The following DIS3L2 variants were observed in gnomAD, a reference collection of about 807,000 sequenced individuals.
The protein encoded by DIS3L2 is DIS3-like exonuclease 2.
In DIS3L2, 34 loss-of-function variants were observed where a neutral mutation model predicts 97.5. The ratio of observed to expected loss-of-function variants is 0.35; its 90% CI spans 0.27 to 0.46. The LOEUF (loss-of-function observed/expected upper bound fraction) is 0.46, where lower values mean the gene tolerates loss of function less well. Ranked by LOEUF, DIS3L2 falls within the 20% of genes least tolerant of loss-of-function variation. The pLI is 1.00. For missense variants in DIS3L2, 1,038 were observed against 1,146.0 expected (o/e 0.91, Z 1.36); for synonymous variants, 435 against 445.2 (o/e 0.98, Z 0.29).
Position 232,036,302 on chromosome 2 carries a change from G to A in DIS3L2, c.366+6222G>A, listed in dbSNP as rs528362255. On this transcript the variant is annotated intron_variant, in intron 5 of 20. Transcript: ENST00000325385. ...GTCCCTGATATCCTTTCTTCTACTCGATCAATTCATCTACTGATACTTGTA... is the reference window on the plus strand; with the variant it reads ...GTCCCTGATATCCTTTCTTCTACTCAATCAATTCATCTACTGATACTTGTA... 4.3e-4 allele frequency among the ~76,000 whole-genome samples: 65 copies of A among 151,962 alleles called. 1 individual carries two copies. The highest frequency in any genetic ancestry group is 1.5e-3 in the African/African-American group (61 of 41,444).
intron 13 of DIS3L2, among the ~76,000 whole-genome samples, chr2:232,287,815 G>A (rs955366993): frequency 6.6e-6 from 1 of 152,134 alleles, no homozygotes; most frequent in Admixed American, 6.5e-5. Context: ...GGGTTCTTTA[G>A]TTTTTACCAC....
At chr2:232,330,084 T>G (rs1164300346) in intron 15 of DIS3L2, 88 bp downstream of exon 15, 1 of 1,458,054 alleles carries the variant, frequency 6.9e-7, no homozygotes, top group Non-Finnish European at 9.2e-7. Context: ...CGGCCTCTGC[T>G]TCCCCCCAGA....
In DIS3L2 at chr2:232,024,456, T is replaced by C. The variant is rs1007500752; in HGVS notation, c.264+126T>C. 2.3e-5 allele frequency: 17 copies of C among 752,844 alleles called. No homozygotes were observed. The Admixed American group carries it at 4.9e-4, about 22-fold the overall frequency. The allele number at this position is 752,844 out of a possible 1,614,324, so 46.6% of individuals were successfully genotyped here. On this transcript the variant is annotated intron_variant, in intron 4 of 20. Coordinates refer to ENST00000325385, the MANE Select transcript of DIS3L2 (RefSeq NM_152383.5). Reference sequence around the variant, plus strand: ...AAACAAAATTGACGATGGGCAAAGATTTGTTTCAAATTTAAATAAACTAAA... The same window carrying C: ...AAACAAAATTGACGATGGGCAAAGACTTGTTTCAAATTTAAATAAACTAAA...
chr2:232,263,019 G>A (rs1693752244), intron 12 of DIS3L2, among the ~76,000 whole-genome samples, 188 bp from the exon 13 acceptor site: 1 of 152,172 alleles, frequency 6.6e-6, no homozygotes, highest in Admixed American at 6.5e-5. Flanking sequence ...TGGAGACTAA[G>A]CTCCCTGAGG....
intron 7 of DIS3L2, among the ~76,000 whole-genome samples, chr2:232,132,086 G>A (rs1289394406): frequency 6.6e-6 from 1 of 152,042 alleles, no homozygotes; most frequent in African/African-American, 2.4e-5. Flanking sequence ...TGTAGTCAGA[G>A]CTGAGTAGAG....
At chr2:232,163,931 G>A (rs1021550512) in intron 9 of DIS3L2, among the ~76,000 whole-genome samples, 11 of 152,178 alleles carry the variant, frequency 7.2e-5, no homozygotes, top group Middle Eastern at 3.2e-3. Context: ...CGACCATAAA[G>A]TTGCATTGGA....
chr2:232,316,655 G>A (rs1024409007), intron 14 of DIS3L2, among the ~76,000 whole-genome samples: 2 of 152,208 alleles, frequency 1.3e-5, no homozygotes, highest in African/African-American at 4.8e-5. Context: ...CCACCTCTGC[G>A]CTGGCTGCCC....
In DIS3L2 at chr2:232,111,264, AT is replaced by A. The variant is rs374149238; in HGVS notation, c.602-19353del. Reference sequence around the variant, plus strand: ...TATCCCACAGGAAGTCAGTGAGTTCATTAAAGAAAAATACTTGTACCTCTAT... The same window carrying A: ...TATCCCACAGGAAGTCAGTGAGTTCATAAAGAAAAATACTTGTACCTCTAT... On this transcript the variant is annotated intron_variant, in intron 6 of 20. Coordinates refer to ENST00000325385, the MANE Select transcript of DIS3L2 (RefSeq NM_152383.5). The A allele has an allele frequency of 1.5e-3, 713 of 471,430 alleles. 4 individuals are homozygous for A. The highest frequency in any genetic ancestry group is 0.012 in the African/African-American group (619 of 50,222). 29.2% of individuals were successfully genotyped at this position (471,430 alleles called of 1,614,324 possible).
At chr2:232,123,748 A>G (rs565304925) in intron 6 of DIS3L2, among the ~76,000 whole-genome samples, 22 of 152,338 alleles carry the variant, frequency 1.4e-4, no homozygotes, top group African/African-American at 5.1e-4. Flanking sequence ...TAAAATTGGA[A>G]TTGATAAGAC....
intron 9 of DIS3L2, among the ~76,000 whole-genome samples, chr2:232,167,010 C>CAA (rs199864891): frequency 5.1e-4 from 70 of 137,332 alleles, no homozygotes; most frequent in African/African-American, 1.7e-3. Flanking sequence ...GCGTCTCAGT[C>CAA]AAAAAAAAAA....
intron 14 of DIS3L2, among the ~76,000 whole-genome samples, chr2:232,308,794 G>T (rs960252999): frequency 6.6e-6 from 1 of 152,180 alleles, no homozygotes; most frequent in East Asian, 1.9e-4. Context: ...GCCCGTGGGG[G>T]CTTAGCCTGC....
intron 8 of DIS3L2, among the ~76,000 whole-genome samples, chr2:232,156,428 T>G (rs763799712): frequency 6.6e-6 from 1 of 152,118 alleles, no homozygotes; most frequent in Non-Finnish European, 1.5e-5. Flanking sequence ...GGTTATATGC[T>G]TATAGAGATT....
intron 13 of DIS3L2, among the ~76,000 whole-genome samples, chr2:232,295,574 G>C (rs1249973998): frequency 6.6e-6 from 1 of 152,134 alleles, no homozygotes; most frequent in Non-Finnish European, 1.5e-5. Context: ...ACAAGTCTCT[G>C]TCATCTTTAA....
intron 1 of DIS3L2, among the ~76,000 whole-genome samples, chr2:231,984,053 T>C (rs2106182217): frequency 6.6e-6 from 1 of 152,114 alleles, no homozygotes; most frequent in East Asian, 1.9e-4. Context: ...GCGTATTGGA[T>C]TTTCTAGATA....
chr2:232,022,427 AG>A (rs1020388127), intron 3 of DIS3L2, among the ~76,000 whole-genome samples: 2 of 152,190 alleles, frequency 1.3e-5, no homozygotes, highest in African/African-American at 2.4e-5. Context: ...TGCAGCCCTG[AG>A]CAACCTGTCT....
intron 5 of DIS3L2, among the ~76,000 whole-genome samples, chr2:232,051,204 G>A (rs1421517471): frequency 6.6e-6 from 1 of 151,950 alleles, no homozygotes; most frequent in African/African-American, 2.4e-5. Context: ...TGGGCTTTAG[G>A]GGCCTCACCT....
intron 14 of DIS3L2, among the ~76,000 whole-genome samples, chr2:232,304,954 G>A (rs1398192914): frequency 6.6e-6 from 1 of 151,860 alleles, no homozygotes; most frequent in Admixed American, 6.6e-5. Context: ...TTCTATTTCT[G>A]TATCTGTTAA....
chr2:232,282,561 A>G (rs1405165375), intron 13 of DIS3L2, among the ~76,000 whole-genome samples: 4 of 152,054 alleles, frequency 2.6e-5, no homozygotes, highest in African/African-American at 4.8e-5. Context: ...TTTGGGGGAG[A>G]TGTTTTCAGA....
In DIS3L2 at chr2:232,330,482, C is replaced by G. The variant is rs1695703134; in HGVS notation, c.1924-208C>G. ...CCAGAGAGCTGGAGCCCAGTGAGTC[C>G]AGGCCAGCCAGCAAAAACATGGAAG... is the stretch of plus-strand genomic sequence containing the variant. On this transcript the variant is annotated intron_variant, in intron 15 of 20. Coordinates refer to ENST00000325385, the MANE Select transcript of DIS3L2 (RefSeq NM_152383.5). Among the ~76,000 whole-genome samples the G allele has an allele frequency of 2.0e-5, 3 of 152,170 alleles. No homozygotes were observed. In the South Asian group the frequency reaches 6.2e-4, roughly 31 times the overall value.
Sources: gnomAD v4.1 joint callset for allele counts (sites outside exome capture counted in the v4.1 genomes callset) on GRCh38, gnomAD v4.1.1 for gene constraint, MANE v1.5 for transcripts, NCBI Gene and HGNC (gene_info 2026-07-23, HGNC 2026-07-21) for gene names.